GCNT2: variants seen among roughly 807,000 people sequenced by gnomAD.
GCNT2 encodes glucosaminyl (N-acetyl) transferase 2 (I blood group).
In GCNT2, 34 loss-of-function variants were observed where a neutral mutation model predicts 34.2. The ratio of observed to expected loss-of-function variants is 1.00; its 90% CI spans 0.76 to 1.32. The LOEUF (loss-of-function observed/expected upper bound fraction) is 1.32, where lower values mean the gene tolerates loss of function less well. Ranked by LOEUF, GCNT2 falls within the 40% of genes most tolerant of loss-of-function variation. GCNT2 has a pLI of 0.00. For synonymous variants in GCNT2, 212 were observed against 188.0 expected (o/e 1.13, Z -1.04); for missense variants, 584 against 489.4 (o/e 1.19, Z -1.82).
intron 3 of GCNT2, among the ~76,000 whole-genome samples, chr6:10,595,791 C>T (rs1764827010): frequency 3.3e-5 from 5 of 152,164 alleles, no homozygotes. Context: ...AAATTTTGCC[C>T]ATCCTCTTTG....
intron 3 of GCNT2, among the ~76,000 whole-genome samples, chr6:10,588,773 AGTGT>A (rs1401385100): frequency 8.6e-6 from 1 of 115,626 alleles, no homozygotes; most frequent in Non-Finnish European, 1.8e-5. Context: ...GTGTGTTTGT[AGTGT>A]GTGTGTGATG....
intron 3 of GCNT2, among the ~76,000 whole-genome samples, chr6:10,538,437 A>AAATATAT (rs1554127249): frequency 1.5e-4 from 11 of 73,336 alleles, no homozygotes; most frequent in African/African-American, 3.6e-4. Context: ...AAAAAAAAAA[A>AAATATAT]ATATATATAT....
intron 3 of GCNT2, among the ~76,000 whole-genome samples, chr6:10,562,704 C>G (rs1305300144): frequency 3.4e-5 from 5 of 148,304 alleles, no homozygotes; most frequent in African/African-American, 1.2e-4. Flanking sequence ...AAAACAAATT[C>G]CTATCCATAA....
chr6:10,557,356 C>T lies in GCNT2; in HGVS notation c.925+27520C>T, dbSNP rs142210871. ...ATAGGATTCCAGGTACGTACAATTC[C>T]ATATTTCATGCAAAAGAAATGTGTC... On this transcript the variant is annotated intron_variant, in intron 3 of 4. Coordinates refer to ENST00000495262, the MANE Select transcript of GCNT2 (RefSeq NM_145649.5). 47 of 1,595,974 alleles carry T rather than the reference C, an allele frequency of 2.9e-5. No homozygotes were observed. In the Admixed American group the frequency reaches 7.8e-4, roughly 27 times the overall value.
At position 10,628,050 on chromosome 6, in the gene GCNT2, T is replaced by G. The variant is rs914710293; in HGVS notation, c.*1443T>G. 5 of 152,600 alleles carry G rather than the reference T, an allele frequency of 3.3e-5. No homozygotes were observed. The highest frequency in any genetic ancestry group is 1.2e-4 in the African/African-American group (5 of 41,426). 9.5% of individuals were successfully genotyped at this position (152,600 alleles called of 1,614,324 possible). A position where few individuals can be genotyped will look rare whatever the true frequency, so the allele number is the denominator to read the frequency against. On this transcript the variant is annotated 3_prime_UTR_variant, in exon 5 of 5. Coordinates refer to ENST00000495262, the MANE Select transcript of GCNT2 (RefSeq NM_145649.5). ...AAGGTTAATAGCACCGGGGAACAAT[T>G]TCTCTGGGTGAGAATTGGGACTCTG...
rs542491657 is a variant in GCNT2, at chr6:10,553,629, C to T, written c.925+23793C>T. 4.6e-5 allele frequency among the ~76,000 whole-genome samples: 7 copies of T among 152,368 alleles called. No individual in the cohort carries two copies. The East Asian group carries it at 9.6e-4, about 21-fold the overall frequency. ...ATTAAATAGGCCGGGCGTGGTGGCT[C>T]ACGCCTGTAATCCCAGTACTTTGGG... On this transcript the variant is annotated intron_variant, in intron 3 of 4. Transcript: ENST00000495262.
chr6:10,615,885 G>A (rs756770735), intron 3 of GCNT2, among the ~76,000 whole-genome samples: 2 of 152,206 alleles, frequency 1.3e-5, no homozygotes, highest in Non-Finnish European at 2.9e-5. Context: ...CGCCACTTTG[G>A]TTTTGGTGGG....
chr6:10,535,184 A>G (rs894049704), intron 3 of GCNT2, among the ~76,000 whole-genome samples: 9 of 152,124 alleles, frequency 5.9e-5, no homozygotes, highest in African/African-American at 2.2e-4. Flanking sequence ...ACTCCATCTC[A>G]AAAACAAAAA....
At chr6:10,542,339 C>G (rs970714975) in intron 3 of GCNT2, among the ~76,000 whole-genome samples, 4 of 152,166 alleles carry the variant, frequency 2.6e-5, no homozygotes, top group African/African-American at 9.7e-5. Context: ...TTAAAGGTAA[C>G]AGGTTTATTG....
At chr6:10,557,127 T>C in intron 3 of GCNT2, 2 of 1,555,842 alleles carry the variant, frequency 1.3e-6, no homozygotes, top group Non-Finnish European at 1.7e-6. Flanking sequence ...CAAGAGCACC[T>C]GGGCAAAGAG....
intron 3 of GCNT2, among the ~76,000 whole-genome samples, chr6:10,565,701 A>G (rs1303536848): frequency 6.6e-6 from 1 of 151,970 alleles, no homozygotes; most frequent in African/African-American, 2.4e-5. Context: ...GTCTTGGTAA[A>G]TTCTTCCTGG....
At chr6:10,556,974 A>G (rs1175401427) in intron 3 of GCNT2, 1 of 1,614,000 alleles carries the variant, frequency 6.2e-7, no homozygotes, top group South Asian at 1.1e-5. Flanking sequence ...TCATGGAAGT[A>G]CGTTATCAAC....
chr6:10,542,835 T>C (rs1455117697), intron 3 of GCNT2, among the ~76,000 whole-genome samples: 1 of 151,930 alleles, frequency 6.6e-6, no homozygotes, highest in Non-Finnish European at 1.5e-5. Flanking sequence ...TGGGGACACA[T>C]GTTTTCATTT....
At chr6:10,572,449 C>T (rs937723020) in intron 3 of GCNT2, among the ~76,000 whole-genome samples, 6 of 152,190 alleles carry the variant, frequency 3.9e-5, no homozygotes, top group Middle Eastern at 3.4e-3. Context: ...GCAGGCCGGG[C>T]GCTGTGGCTC....
At chr6:10,558,420 A>T (rs3798697) in intron 3 of GCNT2, among the ~76,000 whole-genome samples, 8 of 152,286 alleles carry the variant, frequency 5.3e-5, no homozygotes, top group East Asian at 1.9e-4. Flanking sequence ...TAGGATTTTT[A>T]AAAATACATT....
intron 3 of GCNT2, among the ~76,000 whole-genome samples, chr6:10,588,333 A>C (rs976820603): frequency 6.6e-6 from 1 of 152,150 alleles, no homozygotes; most frequent in African/African-American, 2.4e-5. Context: ...GTGGCATTTA[A>C]TCTTATTTTT....
chr6:10,522,311 A>G (rs899898683), intron 1 of GCNT2, among the ~76,000 whole-genome samples: 4 of 152,226 alleles, frequency 2.6e-5, no homozygotes, highest in Non-Finnish European at 2.9e-5. Flanking sequence ...TAGTAGATCC[A>G]TATTGCCATT....
intron 3 of GCNT2, among the ~76,000 whole-genome samples, chr6:10,580,719 T>C (rs1381371193): frequency 6.6e-6 from 1 of 152,150 alleles, no homozygotes; most frequent in South Asian, 2.1e-4. Context: ...GCCCCTCCCC[T>C]GACCGGCATC....
chr6:10,569,896 T>G (rs1763473423), intron 3 of GCNT2, among the ~76,000 whole-genome samples: 2 of 149,294 alleles, frequency 1.3e-5, no homozygotes, highest in Middle Eastern at 3.2e-3. Flanking sequence ...TTTCTTTCTT[T>G]CCTTCCTTCC....
Sources: allele counts gnomAD v4.1 joint callset (sites outside exome capture counted in the v4.1 genomes callset), GRCh38; gene constraint gnomAD v4.1.1; transcripts MANE v1.5; gene names NCBI Gene and HGNC (gene_info 2026-07-23, HGNC 2026-07-21).